Variants in PCDHGB4 observed in about 807,000 individuals in gnomAD.
PCDHGB4 encodes protocadherin gamma-B4.
In PCDHGB4, 38 loss-of-function variants were observed where a neutral mutation model predicts 60.5. The ratio of observed to expected loss-of-function variants is 0.63; its 90% CI spans 0.48 to 0.82. PCDHGB4 has a LOEUF of 0.82. Ranked by LOEUF, PCDHGB4 falls within the 40% of genes least tolerant of loss-of-function variation. PCDHGB4 has a pLI of 0.00. For synonymous variants in PCDHGB4, 456 were observed against 509.7 expected (o/e 0.89, Z 1.42); for missense variants, 1,109 against 1,209.6 (o/e 0.92, Z 1.23).
intron 1 of PCDHGB4, among the ~76,000 whole-genome samples, chr5:141,438,149 A>G (rs1441404688): frequency 6.6e-6 from 1 of 152,220 alleles, no homozygotes; most frequent in African/African-American, 2.4e-5. Context: ...TAGCCAGCCT[A>G]TGGCAAAGCT....
intron 1 of PCDHGB4, chr5:141,393,007 G>T: frequency 6.2e-7 from 1 of 1,613,850 alleles, no homozygotes; most frequent in South Asian, 1.1e-5. Context: ...CACGGAGTCC[G>T]TATCGTCTCC....
intron 2 of PCDHGB4, 117 bp downstream of exon 2, chr5:141,494,982 G>T: frequency 1.3e-6 from 2 of 1,563,940 alleles, no homozygotes; most frequent in Non-Finnish European, 1.7e-6. Flanking sequence ...CTCAGTTTGA[G>T]ATCCCAGGGA....
At chr5:141,417,781 G>C in intron 1 of PCDHGB4, 1 of 1,473,574 alleles carries the variant, frequency 6.8e-7, no homozygotes. Flanking sequence ...CCTGTCCTGG[G>C]CCGAATGCTC....
chr5:141,439,773 C>G (rs1323463060), intron 1 of PCDHGB4: 2 of 152,344 alleles, frequency 1.3e-5, no homozygotes, highest in East Asian at 3.9e-4. Flanking sequence ...TCCTTCTTGG[C>G]TGGAGATTCT....
intron 1 of PCDHGB4, chr5:141,428,099 C>T: frequency 6.8e-6 from 11 of 1,608,710 alleles, no homozygotes; most frequent in East Asian, 2.2e-5. Context: ...TGTCCTACCA[C>T]GTGCTGCAGG....
Position 141,433,359 on chromosome 5 carries a change from CTAT to C in PCDHGB4, c.2397+43079_2397+43081del, listed in dbSNP as rs2097588942. 4 of 228,708 alleles carry C rather than the reference CTAT, an allele frequency of 1.7e-5. No homozygotes were observed. In the African/African-American group the frequency reaches 3.4e-4, roughly 19 times the overall value. The allele number at this position is 228,708 out of a possible 1,614,324, so 14.2% of individuals were successfully genotyped here. ...CAGGTGCAAGCCACCTACTGTCTGC[CTAT>C]CTATCTATCTATCTATCTATCTATC... On this transcript the variant is annotated intron_variant, in intron 1 of 3. Coordinates refer to ENST00000519479, the MANE Select transcript of PCDHGB4 (RefSeq NM_003736.4).
At chr5:141,398,392 A>T in intron 1 of PCDHGB4, 1 of 1,456,390 alleles carries the variant, frequency 6.9e-7, no homozygotes, top group Non-Finnish European at 9.5e-7. Context: ...TGTGAGCAGC[A>T]GGCTAGACAG....
Position 141,487,503 on chromosome 5 carries a change from C to T in PCDHGB4, c.2398-7304C>T. On this transcript the variant is annotated intron_variant, in intron 1 of 3. Transcript: ENST00000519479. The surrounding 1 kb of genome is among the most constrained non-coding windows in gnomAD (Gnocchi z 5.0). The stretch of plus-strand genomic sequence containing the variant: ...TCTCATGGCTGTACACCCTTGGCTT[C>T]TGCACCCACTCGGAGTGATAGCTTC... 1 of 1,614,220 alleles carries T rather than the reference C, an allele frequency of 6.2e-7. No homozygotes were observed. Among genetic ancestry groups the T allele is most frequent in the Non-Finnish European group, 8.5e-7 (1 of 1,180,042 alleles).
intron 1 of PCDHGB4, among the ~76,000 whole-genome samples, chr5:141,448,043 G>A (rs1000669754): frequency 3.3e-5 from 5 of 151,870 alleles, no homozygotes; most frequent in African/African-American, 1.2e-4. Context: ...CCAAGATCAT[G>A]CCATTGCTCT....
rs888836155 is a variant in PCDHGB4, at chr5:141,512,011, A to C, written c.*838A>C. The C allele has an allele frequency of 1.3e-5, 2 of 152,946 alleles. No homozygotes were observed. The highest frequency in any genetic ancestry group is 6.5e-5 in the Admixed American group (1 of 15,300). The allele number at this position is 152,946 out of a possible 1,614,324, so 9.5% of individuals were successfully genotyped here. ...GGCATGGACAAAGCTTGACACATCA[A>C]GTTATCAAGGCCTTGGAGGAGGCTC... On this transcript the variant is annotated 3_prime_UTR_variant, in exon 4 of 4. Coordinates refer to ENST00000519479, the MANE Select transcript of PCDHGB4 (RefSeq NM_003736.4).
At chr5:141,395,186 G>C in intron 1 of PCDHGB4, 1 of 1,614,086 alleles carries the variant, frequency 6.2e-7, no homozygotes, top group Non-Finnish European at 8.5e-7. Context: ...ATGATTCTTT[G>C]TTAACATCCG....
chr5:141,425,897 A>G (rs893972047), intron 1 of PCDHGB4, among the ~76,000 whole-genome samples: 1 of 152,240 alleles, frequency 6.6e-6, no homozygotes, highest in African/African-American at 2.4e-5. Context: ...TTTGGTAGTA[A>G]ACACTGGAAA....
chr5:141,427,454 T>C (rs62379160), intron 1 of PCDHGB4: 18,356 of 489,902 alleles, frequency 0.037, 441 homozygotes, highest in Middle Eastern at 0.11. Context: ...GAGTTCCTTT[T>C]AGAATCGAAT....
intron 3 of PCDHGB4, chr5:141,507,335 T>A (rs1228652205): frequency 6.6e-6 from 1 of 151,804 alleles, no homozygotes; most frequent in Non-Finnish European, 1.5e-5. Context: ...TGCTCATTGT[T>A]TACCTGAAAT....
At chr5:141,419,782 C>T (rs765128711) in intron 1 of PCDHGB4, 9 of 1,614,058 alleles carry the variant, frequency 5.6e-6, no homozygotes, top group Non-Finnish European at 7.6e-6. Flanking sequence ...TCCGCCAGCG[C>T]CTGCTAGTCG....
intron 3 of PCDHGB4, 31 bp downstream of exon 3, chr5:141,505,512 T>C (rs754223095): frequency 6.2e-7 from 1 of 1,613,676 alleles, no homozygotes; most frequent in South Asian, 1.1e-5. Context: ...TATGGAAGAG[T>C]GGGAGACCTG....
intron 1 of PCDHGB4, chr5:141,403,373 A>C: frequency 6.2e-7 from 1 of 1,614,074 alleles, no homozygotes; most frequent in Non-Finnish European, 8.5e-7. Flanking sequence ...TCTGGAAGTA[A>C]AAATTAACGA....
In PCDHGB4 at chr5:141,486,866, G is replaced by A; in HGVS notation, c.2398-7941G>A. Reference sequence around the variant, plus strand: ...GGACCTCAATGACAATGCTCCAGCTGTGCTCCGTCCTCGGGCCCGGCCTGG... The same window carrying A: ...GGACCTCAATGACAATGCTCCAGCTATGCTCCGTCCTCGGGCCCGGCCTGG... On this transcript the variant is annotated intron_variant, in intron 1 of 3. Transcript: ENST00000519479. The surrounding 1 kb of genome is among the most constrained non-coding windows in gnomAD (Gnocchi z 5.0). 6.2e-7 allele frequency: 1 copy of A among 1,614,202 alleles called. No homozygotes were observed. The highest frequency in any genetic ancestry group is 8.5e-7 in the Non-Finnish European group (1 of 1,180,038).
rs1308866536 is a variant in PCDHGB4 at position 141,464,896 on chromosome 5, GT to G, written c.2398-29910del. On this transcript the variant is annotated intron_variant, in intron 1 of 3. Coordinates refer to ENST00000519479, the MANE Select transcript of PCDHGB4 (RefSeq NM_003736.4). ...TAGGACTACAGATGGATGCCACCAT[GT>G]CCAGCTAATTTTTTTATTTTTTTGT... 2.0e-5 allele frequency among the ~76,000 whole-genome samples: 3 copies of G among 151,672 alleles called. No homozygotes were observed. The East Asian group carries it at 5.8e-4, about 30-fold the overall frequency.
Sources: allele counts gnomAD v4.1 joint callset (sites outside exome capture counted in the v4.1 genomes callset), GRCh38; gene constraint gnomAD v4.1.1; non-coding constraint Gnocchi (gnomAD v3.1); transcripts MANE v1.5; gene names NCBI Gene and HGNC (gene_info 2026-07-23, HGNC 2026-07-21).